The following EXT1 variants were observed in gnomAD, a reference collection of about 807,000 sequenced individuals.
EXT1 encodes exostosin glycosyltransferase 1.
Under a neutral mutation model 82.5 loss-of-function variants are expected in EXT1, and 20 were observed. That is an observed-to-expected ratio of 0.24 (90% confidence interval 0.17 to 0.35). The LOEUF (loss-of-function observed/expected upper bound fraction) is 0.35, where lower values mean the gene tolerates loss of function less well. EXT1 is among the 10% of genes least tolerant of loss of function. The pLI is 1.00. For synonymous variants in EXT1, 348 were observed against 350.8 expected, an observed-to-expected ratio of 0.99 and a Z score of 0.09; for missense variants, 757 against 936.5, an observed-to-expected ratio of 0.81 and a Z score of 2.50.
rs1291626323 is a variant in EXT1, at chr8:117,795,885, C to T, written c.*3827G>A. 1 of 152,076 alleles carries T rather than the reference C, an allele frequency of 6.6e-6. No homozygotes were observed. The highest frequency in any genetic ancestry group is 1.9e-4 in the East Asian group (1 of 5,194). 9.4% of individuals were successfully genotyped at this position (152,076 alleles called of 1,614,324 possible). ...TATACCAAGTGAGACAAGTTTAGCA[C>T]AGTTTGATATTAATGCTTATTTGCT... is the stretch of plus-strand genomic sequence containing the variant. On this transcript the variant is annotated 3_prime_UTR_variant, in exon 11 of 11. Transcript: ENST00000378204.
intron 1 of EXT1, among the ~76,000 whole-genome samples, chr8:118,008,561 T>C (rs2129827389): frequency 6.6e-6 from 1 of 152,308 alleles, no homozygotes; most frequent in Admixed American, 6.5e-5. Flanking sequence ...CTGCATTTTA[T>C]ATACAGACTT....
intron 1 of EXT1, among the ~76,000 whole-genome samples, chr8:117,858,886 AAAGAAAGAAAGAAAG>A (rs1812633011): frequency 8.6e-6 from 1 of 116,370 alleles, no homozygotes; most frequent in Non-Finnish European, 2.0e-5. Flanking sequence ...AGAAAGAAAG[AAAGAAAGAAAGAAAG>A]AAAGAAAGAA....
At chr8:117,842,840 G>T (rs1388437975) in intron 1 of EXT1, among the ~76,000 whole-genome samples, 1 of 152,152 alleles carries the variant, frequency 6.6e-6, no homozygotes, top group Admixed American at 6.5e-5. Flanking sequence ...TCCTCCTGTG[G>T]CTCCCACAAT....
intron 4 of EXT1, among the ~76,000 whole-genome samples, chr8:117,829,487 T>C (rs1044029375): frequency 1.2e-4 from 18 of 152,056 alleles, no homozygotes; most frequent in Non-Finnish European, 1.6e-4. Context: ...CGCAATGCCA[T>C]TGGACTGTGG....
chr8:117,937,994 C>G (rs1382709644), intron 1 of EXT1, among the ~76,000 whole-genome samples: 1 of 152,238 alleles, frequency 6.6e-6, no homozygotes, highest in Non-Finnish European at 1.5e-5. Flanking sequence ...AGGGTATTCA[C>G]TTCTGAAACT....
At chr8:117,885,825 G>A (rs1162550395) in intron 1 of EXT1, among the ~76,000 whole-genome samples, 2 of 152,144 alleles carry the variant, frequency 1.3e-5, no homozygotes, top group African/African-American at 4.8e-5. Context: ...TAATCCACAT[G>A]TACACCTGGG....
At chr8:118,099,094 G>T (rs1004908507) in intron 1 of EXT1, among the ~76,000 whole-genome samples, 1 of 152,220 alleles carries the variant, frequency 6.6e-6, no homozygotes, top group Admixed American at 6.5e-5. Flanking sequence ...CACAAATGAT[G>T]TTTCAGAGCC....
intron 8 of EXT1, among the ~76,000 whole-genome samples, chr8:117,811,736 C>T (rs540636222): frequency 6.6e-6 from 1 of 152,118 alleles, no homozygotes; most frequent in Non-Finnish European, 1.5e-5. Context: ...CCTGCCTCAG[C>T]TTCCCGAGTA....
chr8:117,905,344 T>G (rs1244974662), intron 1 of EXT1, among the ~76,000 whole-genome samples: 1 of 152,184 alleles, frequency 6.6e-6, no homozygotes, highest in African/African-American at 2.4e-5. Flanking sequence ...ATTCCTACTC[T>G]GCTCTGAAAA....
intron 1 of EXT1, among the ~76,000 whole-genome samples, chr8:117,868,250 C>T (rs1812808502): frequency 6.6e-6 from 1 of 152,198 alleles, no homozygotes; most frequent in African/African-American, 2.4e-5. Flanking sequence ...CCTCCTTTCC[C>T]TCACCTATTC....
At chr8:117,968,390 G>A (rs1814865308) in intron 1 of EXT1, among the ~76,000 whole-genome samples, 1 of 152,014 alleles carries the variant, frequency 6.6e-6, no homozygotes, top group African/African-American at 2.4e-5. Flanking sequence ...AAAGTTCTGG[G>A]ATTATAGGTG....
chr8:117,981,177 T>C (rs1204245355), intron 1 of EXT1, among the ~76,000 whole-genome samples: 4 of 152,174 alleles, frequency 2.6e-5, no homozygotes, highest in African/African-American at 7.2e-5. Context: ...AACTATCTCT[T>C]TATATGAAGT....
intron 1 of EXT1, among the ~76,000 whole-genome samples, chr8:117,846,859 T>C (rs1812370351): frequency 6.6e-6 from 1 of 152,144 alleles, no homozygotes; most frequent in Non-Finnish European, 1.5e-5. Context: ...CCCAGGAGGC[T>C]GGCTGTGGAG....
chr8:117,912,236 T>C (rs1813662192), intron 1 of EXT1, among the ~76,000 whole-genome samples: 1 of 152,210 alleles, frequency 6.6e-6, no homozygotes, highest in Admixed American at 6.5e-5. Flanking sequence ...TAAAGAATAC[T>C]GCTTAGAAGT....
At chr8:117,803,271 T>C (rs1030496107) in intron 10 of EXT1, among the ~76,000 whole-genome samples, 2 of 152,088 alleles carry the variant, frequency 1.3e-5, no homozygotes, top group Non-Finnish European at 2.9e-5. Context: ...CTCAACCCAC[T>C]GCAACCTCTG....
intron 1 of EXT1, among the ~76,000 whole-genome samples, chr8:118,104,509 C>T (rs991511430): frequency 2.0e-5 from 3 of 152,120 alleles, no homozygotes; most frequent in Non-Finnish European, 4.4e-5. Context: ...ATGAAGGAAG[C>T]GCTAGGTAAT....
At chr8:117,979,624 A>T (rs925259643) in intron 1 of EXT1, among the ~76,000 whole-genome samples, 2 of 152,182 alleles carry the variant, frequency 1.3e-5, no homozygotes, top group African/African-American at 4.8e-5. Flanking sequence ...TGAAAAAGTC[A>T]GTTCCCCTCC....
At chr8:117,979,753 G>A (rs1300932732) in intron 1 of EXT1, among the ~76,000 whole-genome samples, 1 of 152,048 alleles carries the variant, frequency 6.6e-6, no homozygotes, top group Non-Finnish European at 1.5e-5. Context: ...ATGACTCTTC[G>A]TCTTTCCAAA....
chr8:117,837,404 C>A (rs919080631), intron 1 of EXT1, among the ~76,000 whole-genome samples: 3 of 152,152 alleles, frequency 2.0e-5, no homozygotes, highest in African/African-American at 7.2e-5. Flanking sequence ...TTGGACAAAG[C>A]AATTAGGATC....
Sources: allele counts gnomAD v4.1 joint callset (sites outside exome capture counted in the v4.1 genomes callset), GRCh38; gene constraint gnomAD v4.1.1; transcripts MANE v1.5; gene names NCBI Gene and HGNC (gene_info 2026-07-23, HGNC 2026-07-21).